The following TBC1D8 variants were observed in gnomAD, a reference collection of about 807,000 sequenced individuals.
TBC1D8 encodes BUB2-like protein 1.
TBC1D8 carries 65 observed loss-of-function variants against 118.8 expected under a neutral mutation model. That is an observed-to-expected ratio of 0.55 (90% CI 0.45 to 0.67). TBC1D8 has a LOEUF of 0.67. Ranked by LOEUF, TBC1D8 falls within the 30% of genes least tolerant of loss-of-function variation. The pLI, the probability that TBC1D8 is intolerant of heterozygous loss-of-function variation, is 0.00. For synonymous variants in TBC1D8, 566 were observed against 595.8 expected, an observed-to-expected ratio of 0.95 and a Z score of 0.73; for missense variants, 1,376 against 1,471.2, an observed-to-expected ratio of 0.94 and a Z score of 1.06.
chr2:101,066,380 T>C (rs549440383), intron 2 of TBC1D8, among the ~76,000 whole-genome samples: 2 of 152,044 alleles, frequency 1.3e-5, no homozygotes, highest in Non-Finnish European at 2.9e-5. Context: ...ATGGAAGACA[T>C]TTAAAAAGAC....
chr2:101,010,881 CAAAAA>C (rs35511736), intron 19 of TBC1D8, 43 bp downstream of exon 19: 29 of 1,305,820 alleles, frequency 2.2e-5, no homozygotes, highest in South Asian at 2.6e-5. Flanking sequence ...GACTCCATCT[CAAAAA>C]AAAAAAAAAA....
In TBC1D8 at chr2:101,007,530, A is replaced by C; in HGVS notation, c.*291T>G. ...GTATGAGACATTGTGTTCATCTGAG[A>C]GCAAAATCAACACTAGCATCACAGC... On this transcript the variant is annotated 3_prime_UTR_variant, in exon 20 of 20. Transcript: ENST00000409318. 2.6e-6 allele frequency: 1 copy of C among 380,016 alleles called. No individual in the cohort carries two copies. The highest frequency in any genetic ancestry group is 4.8e-6 in the Non-Finnish European group (1 of 208,744). The allele number at this position is 380,016 out of a possible 1,614,324, so 23.5% of individuals were successfully genotyped here. A position where few individuals can be genotyped will look rare whatever the true frequency, so the allele number is the denominator to read the frequency against.
At chr2:101,064,426 G>A (rs111868528) in intron 2 of TBC1D8, among the ~76,000 whole-genome samples, 5 of 152,282 alleles carry the variant, frequency 3.3e-5, no homozygotes, top group African/African-American at 9.6e-5. Flanking sequence ...GTGTGGAGGG[G>A]GATGGAGGTG....
intron 2 of TBC1D8, among the ~76,000 whole-genome samples, chr2:101,067,328 C>G (rs1293288482): frequency 6.6e-6 from 1 of 152,166 alleles, no homozygotes; most frequent in Non-Finnish European, 1.5e-5. Flanking sequence ...TCTTCAAGAG[C>G]AGTGGTGACA....
Position 101,118,415 on chromosome 2 carries a change from A to G in TBC1D8, c.128-28051T>C, listed in dbSNP as rs1241516767. On this transcript the variant is annotated intron_variant, in intron 1 of 19. Transcript: ENST00000409318. ...GAAAAGCCTAAAGACTCCACCAGGTAGCCGGGCACAGTGGCTCATGCCTGT... is the reference window on the plus strand; with the variant it reads ...GAAAAGCCTAAAGACTCCACCAGGTGGCCGGGCACAGTGGCTCATGCCTGT... Among the ~76,000 whole-genome samples the G allele has an allele frequency of 7.2e-5, 11 of 152,110 alleles. No individual in the cohort carries two copies. In the South Asian group the frequency reaches 2.1e-3, roughly 29 times the overall value.
intron 1 of TBC1D8, among the ~76,000 whole-genome samples, chr2:101,119,445 C>T (rs993905815): frequency 2.0e-5 from 3 of 152,214 alleles, no homozygotes; most frequent in African/African-American, 7.2e-5. Context: ...CTTCCCCTCC[C>T]ACCAGGTTCA....
intron 1 of TBC1D8, among the ~76,000 whole-genome samples, chr2:101,105,514 G>T (rs368105684): frequency 6.6e-6 from 1 of 150,920 alleles, no homozygotes; most frequent in African/African-American, 2.4e-5. Flanking sequence ...ACTTGAACCC[G>T]GGAGGCAGAG....
intron 1 of TBC1D8, among the ~76,000 whole-genome samples, chr2:101,103,682 G>A (rs754569488): frequency 4.6e-5 from 7 of 152,034 alleles, no homozygotes; most frequent in Non-Finnish European, 1.0e-4. Flanking sequence ...GTGAGCCACC[G>A]CGCATGGCCA....
At chr2:101,029,973 A>G (rs1220757895) in intron 11 of TBC1D8, 197 bp from the exon 12 acceptor site, 1 of 532,736 alleles carries the variant, frequency 1.9e-6, no homozygotes, top group South Asian at 3.1e-5. Context: ...TTTAAAAAAA[A>G]TACTGCTTGA....
At chr2:101,029,858 T>C in intron 11 of TBC1D8, 82 bp from the exon 12 acceptor site, 2 of 1,423,128 alleles carry the variant, frequency 1.4e-6, no homozygotes, top group Admixed American at 4.3e-5. Flanking sequence ...CACTCTGAGG[T>C]AACCAGAACA....
chr2:101,009,907 C>T (rs1188124330), intron 19 of TBC1D8, among the ~76,000 whole-genome samples: 2 of 151,004 alleles, frequency 1.3e-5, no homozygotes, highest in African/African-American at 2.4e-5. Context: ...CTGCAAGCTC[C>T]GCCTCCCGGG....
chr2:101,057,727 G>A (rs967163276), intron 3 of TBC1D8, among the ~76,000 whole-genome samples: 1 of 152,190 alleles, frequency 6.6e-6, no homozygotes, highest in Non-Finnish European at 1.5e-5. Flanking sequence ...GGGAGGCTGA[G>A]GCAGGAGGAT....
intron 1 of TBC1D8, among the ~76,000 whole-genome samples, chr2:101,096,774 A>C (rs1676475428): frequency 6.7e-6 from 1 of 148,982 alleles, no homozygotes; most frequent in South Asian, 2.1e-4. Flanking sequence ...TCCCAAACTG[A>C]AAAGCAAAGT....
intron 1 of TBC1D8, among the ~76,000 whole-genome samples, chr2:101,148,232 A>G (rs534136247): frequency 6.6e-6 from 1 of 152,332 alleles, no homozygotes; most frequent in South Asian, 2.1e-4. Flanking sequence ...GAAGCTGAGA[A>G]GAGACAGGGG....
At chr2:101,072,206 G>A (rs1165021463) in intron 2 of TBC1D8, among the ~76,000 whole-genome samples, 1 of 152,194 alleles carries the variant, frequency 6.6e-6, no homozygotes, top group Non-Finnish European at 1.5e-5. Flanking sequence ...CTGAGGCTGG[G>A]TAATTTATAA....
chr2:101,028,574 ATT>A, intron 12 of TBC1D8, 142 bp from the exon 13 acceptor site: 1 of 1,266,308 alleles, frequency 7.9e-7, no homozygotes, highest in Non-Finnish European at 1.1e-6. Flanking sequence ...TGCTCGGCTT[ATT>A]TTAGAGAAGC....
chr2:101,050,830 G>T, intron 4 of TBC1D8, among the ~76,000 whole-genome samples, 189 bp from the exon 5 acceptor site: 1 of 152,188 alleles, frequency 6.6e-6, no homozygotes, highest in East Asian at 1.9e-4. Context: ...TGTCATGCGG[G>T]TTTGCTGTAC....
rs1024676322 is a variant in TBC1D8, at chr2:101,011,269, G to C, written c.2917+182C>G. The C allele has an allele frequency of 1.1e-5, 8 of 717,534 alleles. No homozygotes were observed. In the Admixed American group the frequency reaches 1.1e-4, roughly 10 times the overall value. The allele number at this position is 717,534 out of a possible 1,614,324, so 44.4% of individuals were successfully genotyped here. On this transcript the variant is annotated intron_variant, in intron 18 of 19. Coordinates refer to ENST00000409318, the MANE Select transcript of TBC1D8 (RefSeq NM_001330348.2). ...AACTTGGTGGTGGGGGCAAGGGGCA[G>C]CCACCCAGCAACACCCCCACTAGGA...
Position 101,050,382 on chromosome 2 carries a change from C to G in TBC1D8, c.872+19G>C. The stretch of plus-strand genomic sequence containing the variant: ...GTCCCCCGTGCGGGTGGGAGACACT[C>G]TAGAACAGTCACTTTCACCTCTTGG... On this transcript the variant is annotated intron_variant, in intron 5 of 19. Transcript: ENST00000409318. 1 of 1,610,802 alleles carries G rather than the reference C, an allele frequency of 6.2e-7. No individual in the cohort carries two copies.
Sources: allele counts gnomAD v4.1 joint callset (sites outside exome capture counted in the v4.1 genomes callset), GRCh38; gene constraint gnomAD v4.1.1; transcripts MANE v1.5; gene names NCBI Gene and HGNC (gene_info 2026-07-23, HGNC 2026-07-21).